Variants in TMEM106C observed in about 807,000 individuals in gnomAD.
TMEM106C encodes the protein transmembrane protein 106C.
In TMEM106C, 27 loss-of-function variants were observed where a neutral mutation model predicts 30.8. The observed-to-expected ratio is 0.88, with a 90% CI of 0.65 to 1.21. TMEM106C has a LOEUF of 1.21. TMEM106C is among the 50% of genes most tolerant of loss of function. The probability of loss-of-function intolerance (pLI) is 0.00; values close to 1 mark genes in which losing one functional copy is unlikely to be tolerated. For missense variants in TMEM106C, 288 were observed against 307.8 expected, an observed-to-expected ratio of 0.94 and a Z score of 0.48; for synonymous variants, 123 against 118.8, an observed-to-expected ratio of 1.04 and a Z score of -0.23.
rs752356776 is a variant in TMEM106C at position 47,967,251 on chromosome 12, A to G, written c.646A>G (p.Ile216Val). ...VPEILVHNIV[I>V]FMRTSVKISY... ...TGAGATCCTGGTGCACAACATAGTG[A>G]TCTTCATGCGGTGCGTCTCTCTTCC... Residue 216 changes from isoleucine to valine, a missense_variant, in exon 7 of 8, where the codon ATC becomes GTC. Transcript: ENST00000429772. 6.2e-7 allele frequency: 1 copy of G among 1,613,822 alleles called. No homozygotes were observed. Among genetic ancestry groups the G allele is most frequent in the South Asian group, 1.1e-5 (1 of 91,050 alleles).
Position 47,968,242 on chromosome 12 carries a change from G to C in TMEM106C, c.*13G>C. ...CACAGCTATTTAACAACTGCTATTG[G>C]TTCTTCCACACAGCGCCTGTAGAAG... On this transcript the variant is annotated 3_prime_UTR_variant, in exon 8 of 8. Coordinates refer to ENST00000429772, the MANE Select transcript of TMEM106C (RefSeq NM_001143842.2). 1 of 1,593,478 alleles carries C rather than the reference G, an allele frequency of 6.3e-7. No individual in the cohort carries two copies. The highest frequency in any genetic ancestry group is 8.6e-7 in the Non-Finnish European group (1 of 1,161,814).
chr12:47,968,089 A>G lies in TMEM106C; in HGVS notation c.657-44A>G, dbSNP rs1468760271. 3.9e-6 allele frequency: 6 copies of G among 1,539,914 alleles called. No homozygotes were observed. In the Admixed American group the frequency reaches 6.7e-5, roughly 17 times the overall value. ...CTGGGACATTTTTCTGGCTTATTTC[A>G]TCCCCCAAACATAATTAATTCTTCT... On this transcript the variant is annotated intron_variant, in intron 7 of 7. Coordinates refer to ENST00000429772, the MANE Select transcript of TMEM106C (RefSeq NM_001143842.2).
intron 5 of TMEM106C, 117 bp downstream of exon 5, chr12:47,966,346 T>C: frequency 8.1e-7 from 1 of 1,242,228 alleles, no homozygotes; most frequent in Non-Finnish European, 1.1e-6. Flanking sequence ...TTGTAGGAAC[T>C]GGTGATGAGG....
rs374965893 is a variant in TMEM106C, at chr12:47,967,325, G to C, written c.656+64G>C. 5.4e-4 allele frequency: 844 copies of C among 1,576,844 alleles called. 2 individuals are homozygous for C. Among genetic ancestry groups the C allele is most frequent in the Non-Finnish European group, 6.7e-4 (764 of 1,146,584 alleles). On this transcript the variant is annotated intron_variant, in intron 7 of 7. Coordinates refer to ENST00000429772, the MANE Select transcript of TMEM106C (RefSeq NM_001143842.2). Reference sequence around the variant, plus strand: ...ATGTGAGCCTACCACCTTTGCTCAGGAGGCCCCTGTGTGACCACAGGGCAG... The same window carrying C: ...ATGTGAGCCTACCACCTTTGCTCAGCAGGCCCCTGTGTGACCACAGGGCAG...
At chr12:47,967,833 G>A (rs972016713) in intron 7 of TMEM106C, among the ~76,000 whole-genome samples, 1 of 152,100 alleles carries the variant, frequency 6.6e-6, no homozygotes, top group African/African-American at 2.4e-5. Flanking sequence ...CTAGATCCCA[G>A]TAGTAAACCC....
Position 47,964,241 on chromosome 12 carries a change from G to A in TMEM106C, c.5G>A (p.Gly2Glu), listed in dbSNP as rs1429064362. 6.2e-7 allele frequency: 1 copy of A among 1,612,630 alleles called. No individual in the cohort carries two copies. The highest frequency in any genetic ancestry group is 8.5e-7 in the Non-Finnish European group (1 of 1,179,282). Reference protein sequence around the residue: MGSQHSAAARPS... With the variant: MESQHSAAARPS... ...CACCAGTGGCATATCACGGCCATGG[G>A]GTCTCAGCATTCCGCTGCTGCTCGC... The change falls in exon 2 of 8, where the codon GGG (glycine) becomes GAG (glutamate). Residue 2 changes from glycine to glutamate, a missense_variant. Physicochemically the swap from Gly to Glu is moderately conservative, Grantham distance 98. Coordinates refer to ENST00000429772, the MANE Select transcript of TMEM106C (RefSeq NM_001143842.2).
intron 7 of TMEM106C, 26 bp from the exon 8 acceptor site, chr12:47,968,107 A>T (rs1356683362): frequency 5.7e-6 from 9 of 1,588,738 alleles, no homozygotes; most frequent in South Asian, 3.3e-5. Context: ...AACATAATTA[A>T]TTCTTCTTGG....
At chr12:47,964,998 G>A (rs930352173) in intron 2 of TMEM106C, among the ~76,000 whole-genome samples, 2 of 152,162 alleles carry the variant, frequency 1.3e-5, no homozygotes, top group African/African-American at 4.8e-5. Flanking sequence ...GGAAACCATG[G>A]CCTTGAGAGA....
chr12:47,964,702 C>T (rs1235178025), intron 2 of TMEM106C: 3 of 444,864 alleles, frequency 6.7e-6, no homozygotes, highest in African/African-American at 2.0e-5. Flanking sequence ...TTGACAGGCA[C>T]ATTTCTTTAT....
rs1938314999 is a variant in TMEM106C, at chr12:47,968,293, C to T, written c.*64C>T. 1.5e-6 allele frequency: 2 copies of T among 1,336,752 alleles called. No individual in the cohort carries two copies. Among genetic ancestry groups the T allele is most frequent in the Non-Finnish European group, 2.1e-6 (2 of 933,822 alleles). The allele number at this position is 1,336,752 out of a possible 1,614,324, so 82.8% of individuals were successfully genotyped here. ...AGAGCACAGCATATGTTCCCAAGGC[C>T]TGAGTTCTGGACCTACCCCCACGTG... On this transcript the variant is annotated 3_prime_UTR_variant, in exon 8 of 8. Coordinates refer to ENST00000429772, the MANE Select transcript of TMEM106C (RefSeq NM_001143842.2).
rs1429142454 is a variant in TMEM106C at position 47,968,385 on chromosome 12, A to G, written c.*156A>G. ...ACATCCTCCTGCCACTTAGGAGGAAACACCTCCCTATGGTACCATTTATGT... is the reference window on the plus strand; with the variant it reads ...ACATCCTCCTGCCACTTAGGAGGAAGCACCTCCCTATGGTACCATTTATGT... On this transcript the variant is annotated 3_prime_UTR_variant, in exon 8 of 8. Transcript: ENST00000429772. The G allele has an allele frequency of 1.4e-6, 1 of 697,760 alleles. No individual in the cohort carries two copies. The highest frequency in any genetic ancestry group is 2.7e-5 in the East Asian group (1 of 36,676). The allele number at this position is 697,760 out of a possible 1,614,324, so 43.2% of individuals were successfully genotyped here.
At chr12:47,964,459 C>T in intron 2 of TMEM106C, 36 bp downstream of exon 2, 1 of 1,604,888 alleles carries the variant, frequency 6.2e-7, no homozygotes, top group African/African-American at 1.3e-5. Context: ...ATGAGAATCC[C>T]AAGGTACCCT....
chr12:47,966,249 A>T lies in TMEM106C; in HGVS notation c.552+20A>T, dbSNP rs777032343. On this transcript the variant is annotated intron_variant, in intron 5 of 7. Transcript: ENST00000429772. The stretch of plus-strand genomic sequence containing the variant: ...CAACTGGTATGCTGTTCTTTTAGGA[A>T]TCTTGCCCCACAGGCCTAAGAGAAG... 1 of 1,612,894 alleles carries T rather than the reference A, an allele frequency of 6.2e-7. No homozygotes were observed. Among genetic ancestry groups the T allele is most frequent in the East Asian group, 2.2e-5 (1 of 44,892 alleles).
intron 6 of TMEM106C, 54 bp from the exon 7 acceptor site, chr12:47,967,154 A>G: frequency 1.3e-6 from 2 of 1,572,082 alleles, no homozygotes; most frequent in Non-Finnish European, 1.7e-6. Flanking sequence ...GCACTCTTCT[A>G]CTGAGGCTTT....
chr12:47,966,196 C>G lies in TMEM106C; in HGVS notation c.519C>G (p.Asn173Lys). The G allele has an allele frequency of 1.2e-6, 2 of 1,614,142 alleles. No individual in the cohort carries two copies. The highest frequency in any genetic ancestry group is 1.7e-6 in the Non-Finnish European group (2 of 1,180,018). Residue 173 changes from asparagine (N) to lysine (K), a missense_variant, in exon 5 of 8, where the codon AAC becomes AAG. Coordinates refer to ENST00000429772, the MANE Select transcript of TMEM106C (RefSeq NM_001143842.2). ...NTVVSTYVTT[N>K]VSLIPPRSEQ... Reference sequence around the variant, plus strand: ...TGGTCAGTACATATGTGACTACTAACGTCTCCCTTATTCCACCTCGGAGTG... The same window carrying G: ...TGGTCAGTACATATGTGACTACTAAGGTCTCCCTTATTCCACCTCGGAGTG...
intron 3 of TMEM106C, 147 bp downstream of exon 3, chr12:47,965,492 C>G (rs1168855699): frequency 4.0e-6 from 3 of 746,640 alleles, no homozygotes; most frequent in African/African-American, 3.5e-5. Context: ...AGCAAGATAT[C>G]TCTGCCCCCA....
intron 3 of TMEM106C, 94 bp from the exon 4 acceptor site, chr12:47,965,744 G>A (rs7964582): frequency 0.67 from 994,061 of 1,481,062 alleles, 337,495 homozygotes; most frequent in East Asian, 0.99. Context: ...TTCCCTTTCA[G>A]CTCCCTTCTC....
At chr12:47,965,809 G>C in intron 3 of TMEM106C, 29 bp from the exon 4 acceptor site, 1 of 1,611,914 alleles carries the variant, frequency 6.2e-7, no homozygotes, top group Non-Finnish European at 8.5e-7. Flanking sequence ...CTGACTGCCT[G>C]GGTCGGTCAT....
chr12:47,964,211 C>T lies in TMEM106C; in HGVS notation c.-26C>T. ...TGCACTCCCTCTTTTCATCTTAGGA[C>T]ATGACACCAGTGGCATATCACGGCC... is the stretch of plus-strand genomic sequence containing the variant. On this transcript the variant is annotated splice_region_variant and 5_prime_UTR_variant, in exon 2 of 8. Transcript: ENST00000429772. 1 of 1,606,950 alleles carries T rather than the reference C, an allele frequency of 6.2e-7. No homozygotes were observed. Among genetic ancestry groups the T allele is most frequent in the Non-Finnish European group, 8.5e-7 (1 of 1,176,022 alleles).
Sources: allele counts gnomAD v4.1 joint callset (sites outside exome capture counted in the v4.1 genomes callset), GRCh38; gene constraint gnomAD v4.1.1; transcripts MANE v1.5; gene names NCBI Gene and HGNC (gene_info 2026-07-23, HGNC 2026-07-21).